STXBP4: variants seen among roughly 807,000 people sequenced by gnomAD.
STXBP4 encodes syntaxin binding protein 4.
A neutral mutation model predicts 76.1 loss-of-function variants in STXBP4; 55 were observed. That is an observed-to-expected ratio of 0.72 (90% CI 0.58 to 0.91). The LOEUF (loss-of-function observed/expected upper bound fraction) is 0.91. Among genes scored for constraint, STXBP4 ranks in the 40% least tolerant of loss-of-function variants. The pLI, the probability that STXBP4 is intolerant of heterozygous loss-of-function variation, is 0.00. For synonymous variants in STXBP4, 201 were observed against 220.2 expected (o/e 0.91, Z 0.77); for missense variants, 618 against 636.9 (o/e 0.97, Z 0.32).
At chr17:55,185,251 C>CTTCTTCTCCTT in the STXBP4 span, among the ~76,000 whole-genome samples, 31 of 49,380 alleles carry the variant, frequency 6.3e-4, 2 homozygotes, top group African/African-American at 2.4e-3. Flanking sequence ...TTCTTCTTCT[C>CTTCTTCTCCTT]CTTCTCCTTC....
At chr17:55,115,724 G>A (rs2079773063) in intron 16 of STXBP4, among the ~76,000 whole-genome samples, 1 of 151,826 alleles carries the variant, frequency 6.6e-6, no homozygotes, top group Non-Finnish European at 1.5e-5. Flanking sequence ...TAATTCCTCA[G>A]CGAAACTCTT....
intron 16 of STXBP4, among the ~76,000 whole-genome samples, chr17:55,104,605 T>C (rs2529509): frequency 0.37 from 56,774 of 152,012 alleles, 11,272 homozygotes; most frequent in East Asian, 0.54. Flanking sequence ...TGTTGTGTCT[T>C]TGCCAGGTTT....
chr17:54,999,389 G>C lies in STXBP4; in HGVS notation c.225G>C (p.Lys75Asn). 2.5e-6 allele frequency: 4 copies of C among 1,612,814 alleles called. No individual in the cohort carries two copies. The highest frequency in any genetic ancestry group is 3.4e-6 in the Non-Finnish European group (4 of 1,179,586). ...KPGDQLVSVN[K>N]ESMIGVSFEE... ...GAGATCAACTTGTCTCAGTCAACAA[G>C]GAATCTATGATTGGTGTATCATTTG... The change falls in exon 5 of 18, where the codon AAG becomes AAC. Residue 75 changes from lysine (K) to asparagine (N), a missense_variant. Transcript: ENST00000376352.
At chr17:55,080,135 G>A (rs2079237880) in intron 15 of STXBP4, among the ~76,000 whole-genome samples, 2 of 152,138 alleles carry the variant, frequency 1.3e-5, no homozygotes, top group South Asian at 4.2e-4. Context: ...AAAAATTAAG[G>A]TTAAAATGAC....
chr17:54,983,584 C>T (rs183694974), intron 1 of STXBP4, among the ~76,000 whole-genome samples: 2 of 149,114 alleles, frequency 1.3e-5, no homozygotes, highest in Admixed American at 1.4e-4. Flanking sequence ...TAGCCCATGG[C>T]AGTATTGCCA....
intron 16 of STXBP4, among the ~76,000 whole-genome samples, chr17:55,086,083 C>T (rs994430527): frequency 5.3e-5 from 8 of 152,244 alleles, no homozygotes; most frequent in Admixed American, 5.2e-4. Flanking sequence ...CTAACATTAA[C>T]TTCAGTATCT....
intron 17 of STXBP4, among the ~76,000 whole-genome samples, chr17:55,159,341 A>G (rs2080315430): frequency 6.6e-6 from 1 of 152,250 alleles, no homozygotes; most frequent in Admixed American, 6.5e-5. Context: ...AATGTTTAGC[A>G]AGTGAGTAAC....
the STXBP4 span, among the ~76,000 whole-genome samples, chr17:55,202,752 A>C: frequency 3.9e-4 from 60 of 152,140 alleles, no homozygotes; most frequent in South Asian, 4.2e-4. Flanking sequence ...ACCTTCCCTG[A>C]CTTTATGTGA....
chr17:55,032,491 A>C lies in STXBP4; in HGVS notation c.763+1227A>C, dbSNP rs149783754. ...TGAGGAACAAGTTGATTTGACCCTAAAATGATTTAAGAATTGAAGACATCA... is the reference window on the plus strand; with the variant it reads ...TGAGGAACAAGTTGATTTGACCCTACAATGATTTAAGAATTGAAGACATCA... On this transcript the variant is annotated intron_variant, in intron 9 of 17. Transcript: ENST00000376352. 5.6e-4 allele frequency among the ~76,000 whole-genome samples: 86 copies of C among 152,294 alleles called. 1 individual carries two copies. The East Asian group carries it at 0.015, about 27-fold the overall frequency.
At chr17:55,177,078 CT>C (rs1447110432), downstream of STXBP4, among the ~76,000 whole-genome samples, 1 of 152,054 alleles carries the variant, frequency 6.6e-6, no homozygotes, top group African/African-American at 2.4e-5. Flanking sequence ...TCTCCTGGAA[CT>C]TCTTAGCCTC....
At chr17:55,189,994 C>T in the STXBP4 span, among the ~76,000 whole-genome samples, 3 of 152,148 alleles carry the variant, frequency 2.0e-5, no homozygotes, top group Non-Finnish European at 4.4e-5. Context: ...TTCCTTTCCT[C>T]TAGGCAGTAG....
intron 1 of STXBP4, among the ~76,000 whole-genome samples, chr17:54,975,568 G>A (rs1598141820): frequency 6.6e-6 from 1 of 152,166 alleles, no homozygotes; most frequent in Admixed American, 6.5e-5. Context: ...TACAAAAGTG[G>A]AGAGCCTTTA....
intron 8 of STXBP4, among the ~76,000 whole-genome samples, chr17:55,009,235 A>G (rs889391002): frequency 2.0e-5 from 3 of 152,182 alleles, no homozygotes; most frequent in Non-Finnish European, 4.4e-5. Context: ...GCTAAAATGT[A>G]AGTTCTGGCT....
intron 4 of STXBP4, among the ~76,000 whole-genome samples, chr17:54,994,688 T>C (rs905047658): frequency 1.3e-5 from 2 of 152,170 alleles, no homozygotes; most frequent in African/African-American, 4.8e-5. Flanking sequence ...CATATCTTAC[T>C]AATATTTGGT....
At chr17:55,149,090 C>T (rs958243209) in intron 17 of STXBP4, among the ~76,000 whole-genome samples, 1 of 152,142 alleles carries the variant, frequency 6.6e-6, no homozygotes, top group Non-Finnish European at 1.5e-5. Context: ...AATGAAGAAA[C>T]CAACAGAGGA....
In STXBP4 at chr17:55,088,256, G is replaced by T. The variant is rs567852199; in HGVS notation, c.1489+7073G>T. Among the ~76,000 whole-genome samples the T allele has an allele frequency of 8.5e-5, 13 of 152,202 alleles. No homozygotes were observed. The South Asian group carries it at 1.0e-3, about 12-fold the overall frequency. ...TTTCTTTCTTTGCCTTGGCTATCTG[G>T]TTATTTCAAGTTACAATTTGAAATT... On this transcript the variant is annotated intron_variant, in intron 16 of 17. Coordinates refer to ENST00000376352, the MANE Select transcript of STXBP4 (RefSeq NM_178509.6).
rs573712147 is a variant in STXBP4, at chr17:55,004,714, AGAAGGAGGAGGAGGGG to A, written c.575-2777_575-2762del. 7.2e-4 allele frequency among the ~76,000 whole-genome samples: 107 copies of A among 149,062 alleles called. 3 individuals carry two copies. Among genetic ancestry groups the A allele is most frequent in the South Asian group, 2.7e-3 (12 of 4,502 alleles). ...AGACCAAGACGCCTCTAAAGAAAGGAGAAGGAGGAGGAGGGGGAAGGAGGAGGAGGCGGGGAGGAGG... is the reference window on the plus strand; with the variant it reads ...AGACCAAGACGCCTCTAAAGAAAGGAGAAGGAGGAGGAGGCGGGGAGGAGG... On this transcript the variant is annotated intron_variant, in intron 7 of 17. Coordinates refer to ENST00000376352, the MANE Select transcript of STXBP4 (RefSeq NM_178509.6).
intron 12 of STXBP4, among the ~76,000 whole-genome samples, chr17:55,067,663 A>G (rs2079070649): frequency 6.6e-6 from 1 of 152,178 alleles, no homozygotes. Context: ...GTACTTCATC[A>G]ATATTTTGAG....
chr17:55,188,451 A>G, the STXBP4 span, among the ~76,000 whole-genome samples: 1 of 152,212 alleles, frequency 6.6e-6, no homozygotes, highest in Admixed American at 6.5e-5. Flanking sequence ...TGTTCCAGCT[A>G]TCTGAAATTG....
Sources: gnomAD v4.1 joint callset for allele counts (sites outside exome capture counted in the v4.1 genomes callset) on GRCh38, gnomAD v4.1.1 for gene constraint, MANE v1.5 for transcripts, NCBI Gene and HGNC (gene_info 2026-07-23, HGNC 2026-07-21) for gene names.